Variants in IL1RAPL1 observed in about 807,000 individuals in gnomAD.
IL1RAPL1 encodes the protein interleukin 1 receptor accessory protein like 1, also known as interleukin-1 receptor accessory protein-like 1.
In IL1RAPL1, 3 loss-of-function variants were observed where a neutral mutation model predicts 48.4. That is an observed-to-expected ratio of 0.06 (90% CI 0.03 to 0.16). IL1RAPL1 has a LOEUF of 0.16. Among genes scored for constraint, IL1RAPL1 ranks in the 10% least tolerant of loss-of-function variants. The pLI is 1.00. For missense variants in IL1RAPL1, 349 were observed against 530.6 expected, an observed-to-expected ratio of 0.66 and a Z score of 3.36; for synonymous variants, 185 against 187.7, an observed-to-expected ratio of 0.99 and a Z score of 0.12.
intron 1 of IL1RAPL1, among the ~76,000 whole-genome samples, chrX:28,748,263 TG>T (rs1936001420): frequency 8.9e-6 from 1 of 112,165 alleles, no homozygotes; most frequent in South Asian, 3.6e-4. Flanking sequence ...AGAAGCCATA[TG>T]ACAGTAAGAT....
chrX:28,784,138 A>G (rs1196770595), intron 1 of IL1RAPL1, among the ~76,000 whole-genome samples: 1 of 112,222 alleles, frequency 8.9e-6, no homozygotes, highest in Non-Finnish European at 1.9e-5. Context: ...TGTGCCTTTT[A>G]GTAACTTATG....
chrX:29,043,478 C>A (rs1160128108), intron 2 of IL1RAPL1, among the ~76,000 whole-genome samples: 2 of 110,692 alleles, frequency 1.8e-5, no homozygotes, highest in Non-Finnish European at 3.8e-5. Context: ...TCCACCAGTT[C>A]TTTTTAACGT....
chrX:28,771,661 C>T (rs1265734012), intron 1 of IL1RAPL1, among the ~76,000 whole-genome samples: 5 of 112,054 alleles, frequency 4.5e-5, no homozygotes, highest in Admixed American at 9.5e-5. Context: ...AACATTCTTA[C>T]TCAGACTTGA....
At chrX:28,958,668 GC>G (rs771737112) in intron 2 of IL1RAPL1, among the ~76,000 whole-genome samples, 8 of 111,329 alleles carry the variant, frequency 7.2e-5, no homozygotes, top group African/African-American at 2.3e-4. Context: ...AAAGAATTTT[GC>G]AAAACTCCTC....
At chrX:29,319,514 T>C (rs1416940821) in intron 3 of IL1RAPL1, among the ~76,000 whole-genome samples, 1 of 91,734 alleles carries the variant, frequency 1.1e-5, no homozygotes, top group African/African-American at 4.0e-5. Context: ...ACATGTGATA[T>C]TTTGTATGTA....
chrX:28,860,507 G>T (rs1921915751), intron 2 of IL1RAPL1, among the ~76,000 whole-genome samples: 1 of 105,668 alleles, frequency 9.5e-6, no homozygotes, highest in Non-Finnish European at 1.9e-5. Flanking sequence ...TTCCAGGCTG[G>T]AGTACAGTGG....
At chrX:28,697,324 G>A (rs1291527077) in intron 1 of IL1RAPL1, among the ~76,000 whole-genome samples, 1 of 110,150 alleles carries the variant, frequency 9.1e-6, no homozygotes, top group African/African-American at 3.3e-5. Context: ...GCATTGCCTT[G>A]AATTTTTTAA....
chrX:29,736,758 T>C (rs1284825212), intron 6 of IL1RAPL1, among the ~76,000 whole-genome samples: 3 of 112,260 alleles, frequency 2.7e-5, no homozygotes, highest in Non-Finnish European at 3.8e-5. Context: ...GGGGTATCTT[T>C]GGTTCATATG....
chrX:29,921,990 C>T (rs1288375619), intron 8 of IL1RAPL1, among the ~76,000 whole-genome samples: 2 of 111,172 alleles, frequency 1.8e-5, no homozygotes, highest in Non-Finnish European at 3.8e-5. Flanking sequence ...TGAATTAGTC[C>T]TCAAAAATGG....
At chrX:29,120,929 T>G (rs888163503) in intron 2 of IL1RAPL1, among the ~76,000 whole-genome samples, 1 of 111,943 alleles carries the variant, frequency 8.9e-6, no homozygotes, top group South Asian at 3.7e-4. Flanking sequence ...CAAAACTGGC[T>G]CAACACTCAA....
At chrX:29,215,748 T>A (rs1220170703) in intron 2 of IL1RAPL1, among the ~76,000 whole-genome samples, 1 of 112,145 alleles carries the variant, frequency 8.9e-6, no homozygotes, top group Admixed American at 9.5e-5. Context: ...CATGCTGATA[T>A]AGAGGATCAA....
At chrX:28,848,343 A>C (rs5985923) in intron 2 of IL1RAPL1, among the ~76,000 whole-genome samples, 17,085 of 110,711 alleles carry the variant, frequency 0.15, 2,495 homozygotes, top group African/African-American at 0.45. Flanking sequence ...ATAAATAAAT[A>C]AAATGAAATA....
intron 2 of IL1RAPL1, among the ~76,000 whole-genome samples, chrX:29,063,420 G>A (rs987855106): frequency 2.7e-5 from 3 of 111,288 alleles, no homozygotes; most frequent in Non-Finnish European, 5.7e-5. Context: ...CAACACTTCT[G>A]CTTTTCCTGA....
chrX:29,709,102 A>C lies in IL1RAPL1; in HGVS notation c.778+40598A>C, dbSNP rs1031187511. 2.7e-5 allele frequency among the ~76,000 whole-genome samples: 3 copies of C among 111,505 alleles called. No individual in the cohort carries two copies. In the East Asian group the frequency reaches 8.5e-4, roughly 31 times the overall value. On this transcript the variant is annotated intron_variant, in intron 6 of 10. Transcript: ENST00000378993. ...TGCTGTTGAGTTGTTTGAGTTCCTT[A>C]TATATTTGGGATATTAGCCTGTTAT...
intron 2 of IL1RAPL1, among the ~76,000 whole-genome samples, chrX:29,232,474 TA>T (rs1234431338): frequency 8.9e-6 from 1 of 112,448 alleles, no homozygotes; most frequent in African/African-American, 3.2e-5. Flanking sequence ...GATACATTAC[TA>T]TTTTTTATAT....
chrX:29,455,016 A>G (rs1355762695), intron 5 of IL1RAPL1, among the ~76,000 whole-genome samples: 2 of 111,481 alleles, frequency 1.8e-5, no homozygotes, highest in East Asian at 5.6e-4. Flanking sequence ...CTGGAAATAT[A>G]GAATCACAAA....
chrX:29,821,215 C>T (rs757093213), intron 6 of IL1RAPL1, among the ~76,000 whole-genome samples: 3 of 110,807 alleles, frequency 2.7e-5, no homozygotes, highest in Non-Finnish European at 1.9e-5. Flanking sequence ...TTTGGGAGGC[C>T]GAGGCAGGCG....
At chrX:28,673,768 T>C (rs1325985245) in intron 1 of IL1RAPL1, among the ~76,000 whole-genome samples, 2 of 111,774 alleles carry the variant, frequency 1.8e-5, no homozygotes, top group Non-Finnish European at 3.8e-5. Flanking sequence ...TGCAACAATG[T>C]AGATCCTCAG....
chrX:29,619,741 C>A (rs755580640), intron 5 of IL1RAPL1, among the ~76,000 whole-genome samples: 1 of 111,643 alleles, frequency 9.0e-6, no homozygotes, highest in Non-Finnish European at 1.9e-5. Flanking sequence ...TAATTTGCAA[C>A]TGATATCAAT....
Sources: allele counts gnomAD v4.1 joint callset (sites outside exome capture counted in the v4.1 genomes callset), GRCh38; gene constraint gnomAD v4.1.1; transcripts MANE v1.5; gene names NCBI Gene and HGNC (gene_info 2026-07-23, HGNC 2026-07-21).